MYL12B: variants seen among roughly 807,000 people sequenced by gnomAD.
The protein encoded by MYL12B is myosin light chain 12B, also known as myosin regulatory light chain 12B.
A neutral mutation model predicts 12.9 loss-of-function variants in MYL12B; 3 were observed. The observed-to-expected ratio is 0.23, with a 90% CI of 0.11 to 0.60. The LOEUF (loss-of-function observed/expected upper bound fraction) is 0.60. MYL12B is among the 20% of genes least tolerant of loss of function. The pLI is 0.89. For synonymous variants in MYL12B, 57 were observed against 71.9 expected (o/e 0.79, Z 1.05); for missense variants, 120 against 215.4 (o/e 0.56, Z 2.77).
intron 1 of MYL12B, among the ~76,000 whole-genome samples, chr18:3,269,355 A>T (rs905325627): frequency 6.6e-5 from 10 of 152,150 alleles, no homozygotes; most frequent in Admixed American, 5.9e-4. Flanking sequence ...ACAAGAGATA[A>T]TGAGGATCCA....
Position 3,273,143 on chromosome 18 carries a change from C to CT in MYL12B, c.184+69dup, listed in dbSNP as rs1015834501. Reference sequence around the variant, plus strand: ...AATAATAATTTGTCTCTTTATGAATCTTTTTTTTGTGCGATGTACAAATAT... The same window carrying CT: ...AATAATAATTTGTCTCTTTATGAATCTTTTTTTTTGTGCGATGTACAAATAT... On this transcript the variant is annotated intron_variant, in intron 2 of 3. Transcript: ENST00000237500. 555 of 1,462,964 alleles carry CT rather than the reference C, an allele frequency of 3.8e-4. 1 individual carries two copies. The African/African-American group carries it at 6.3e-3, about 17-fold the overall frequency. 90.6% of individuals were successfully genotyped at this position (1,462,964 alleles called of 1,614,324 possible). A position where few individuals can be genotyped will look rare whatever the true frequency, so the allele number is the denominator to read the frequency against.
At chr18:3,273,521 A>G (rs2081700453) in intron 2 of MYL12B, among the ~76,000 whole-genome samples, 1 of 125,496 alleles carries the variant, frequency 8.0e-6, no homozygotes, top group African/African-American at 3.1e-5. Context: ...GACTTTCACA[A>G]TATTTTGTAT....
chr18:3,264,078 C>T (rs1026568989), intron 1 of MYL12B, among the ~76,000 whole-genome samples: 5 of 152,216 alleles, frequency 3.3e-5, no homozygotes, highest in African/African-American at 7.2e-5. Context: ...CTGGTTGCTA[C>T]TGCTTCTTCC....
rs1417637235 is a variant in MYL12B at position 3,276,523 on chromosome 18, C to T, written c.185-730C>T. On this transcript the variant is annotated intron_variant, in intron 2 of 3. Transcript: ENST00000237500. ...ACCAAAGAAGACCACAGTTCAATGA[C>T]ATGTGTAAACAGTGTTTGAAGATAT... 5 of 984,958 alleles carry T rather than the reference C, an allele frequency of 5.1e-6. No individual in the cohort carries two copies. The Admixed American group carries it at 3.1e-4, about 61-fold the overall frequency. The allele number at this position is 984,958 out of a possible 1,614,324, so 61.0% of individuals were successfully genotyped here.
In MYL12B at chr18:3,272,179, A is replaced by G. The variant is rs529187253; in HGVS notation, c.-15-705A>G. The stretch of plus-strand genomic sequence containing the variant: ...AAAGATGAGACCTTTTTTGAACATG[A>G]CTAGTCTTTTTACATATGTTATCTC... On this transcript the variant is annotated intron_variant, in intron 1 of 3. Transcript: ENST00000237500. 3 of 982,600 alleles carry G rather than the reference A, an allele frequency of 3.1e-6. No individual in the cohort carries two copies. In the South Asian group the frequency reaches 1.4e-4, roughly 46 times the overall value. 60.9% of individuals were successfully genotyped at this position (982,600 alleles called of 1,614,324 possible). A position where few individuals can be genotyped will look rare whatever the true frequency, so the allele number is the denominator to read the frequency against.
intron 1 of MYL12B, among the ~76,000 whole-genome samples, chr18:3,271,347 C>G (rs1456141525): frequency 6.6e-6 from 1 of 152,132 alleles, no homozygotes; most frequent in Non-Finnish European, 1.5e-5. Flanking sequence ...GACTGTAAGG[C>G]TGGTGTACTT....
At chr18:3,276,937 AAAATTAAG>A in intron 2 of MYL12B, 3 of 983,432 alleles carry the variant, frequency 3.1e-6, no homozygotes, top group Non-Finnish European at 3.6e-6. Flanking sequence ...AAAAAAAAAA[AAAATTAAG>A]ATGTAATAAT....
At chr18:3,277,049 G>T (rs1030216827) in intron 2 of MYL12B, 7 of 959,114 alleles carry the variant, frequency 7.3e-6, no homozygotes, top group African/African-American at 1.8e-5. Flanking sequence ...TTCAATATAA[G>T]CCTGGAATAC....
rs545366219 is a variant in MYL12B at position 3,266,029 on chromosome 18, A to G, written c.-16+3792A>G. 2.0e-4 allele frequency among the ~76,000 whole-genome samples: 30 copies of G among 152,342 alleles called. 2 individuals are homozygous for G. In the South Asian group the frequency reaches 6.0e-3, roughly 31 times the overall value. On this transcript the variant is annotated intron_variant, in intron 1 of 3. Coordinates refer to ENST00000237500, the MANE Select transcript of MYL12B (RefSeq NM_033546.4). ...AGGCATTGCCCTATTTTAACATTAAAGAGGTCAAGGAGACAGTGGCTTTAT... is the reference window on the plus strand; with the variant it reads ...AGGCATTGCCCTATTTTAACATTAAGGAGGTCAAGGAGACAGTGGCTTTAT...
intron 1 of MYL12B, among the ~76,000 whole-genome samples, chr18:3,269,603 T>A (rs2081661379): frequency 6.6e-6 from 1 of 152,122 alleles, no homozygotes; most frequent in South Asian, 2.1e-4. Context: ...TCACAGGCAT[T>A]TGGATGTTTG....
intron 1 of MYL12B, among the ~76,000 whole-genome samples, chr18:3,263,307 T>C (rs1319388011): frequency 6.6e-6 from 1 of 152,238 alleles, no homozygotes; most frequent in African/African-American, 2.4e-5. Flanking sequence ...AATGGTCTTT[T>C]GGTAAGAGAA....
chr18:3,275,634 G>A (rs1045318197), intron 2 of MYL12B, among the ~76,000 whole-genome samples: 1 of 152,096 alleles, frequency 6.6e-6, no homozygotes, highest in Admixed American at 6.5e-5. Flanking sequence ...TAAAAGATAC[G>A]TATTTACCTT....
At chr18:3,276,671 G>T (rs1323145201) in intron 2 of MYL12B, 1 of 606,134 alleles carries the variant, frequency 1.6e-6, no homozygotes, top group African/African-American at 2.0e-5. Flanking sequence ...ACAACTGGAA[G>T]TGTGAATATT....
intron 1 of MYL12B, among the ~76,000 whole-genome samples, chr18:3,264,120 C>A (rs1428574224): frequency 6.6e-6 from 1 of 152,160 alleles, no homozygotes; most frequent in Non-Finnish European, 1.5e-5. Flanking sequence ...TACTAAGTTT[C>A]CTTAGGGATC....
At chr18:3,270,028 G>GTA (rs2081664857) in intron 1 of MYL12B, among the ~76,000 whole-genome samples, 1 of 152,196 alleles carries the variant, frequency 6.6e-6, no homozygotes, top group Non-Finnish European at 1.5e-5. Flanking sequence ...GTGTGATGCA[G>GTA]TAGACTGATC....
chr18:3,277,743 T>G, intron 3 of MYL12B, 22 bp from the exon 4 acceptor site: 1 of 1,596,548 alleles, frequency 6.3e-7, no homozygotes, highest in East Asian at 2.2e-5. Context: ...ATGACTGCTT[T>G]CTTCTTTCTA....
In MYL12B at chr18:3,277,239, G is replaced by T. The variant is rs10853294; in HGVS notation, c.185-14G>T. On this transcript the variant is annotated splice_polypyrimidine_tract_variant and intron_variant, in intron 2 of 3. Coordinates refer to ENST00000237500, the MANE Select transcript of MYL12B (RefSeq NM_033546.4). ...TGTTTTTGTCTTTAAATGTTAAAAT[G>T]TGTATTCTTACAGGGAAGAATCCCA... The T allele has an allele frequency of 0.97, 1,498,887 of 1,547,952 alleles. 726,362 individuals are homozygous for T. The highest frequency in any genetic ancestry group is 0.98 in the Non-Finnish European group (1,121,721 of 1,144,236).
At chr18:3,275,754 C>T (rs1598810277) in intron 2 of MYL12B, among the ~76,000 whole-genome samples, 1 of 151,814 alleles carries the variant, frequency 6.6e-6, no homozygotes, top group South Asian at 2.1e-4. Context: ...TCTCTTCACA[C>T]CTTTTGGTTA....
At chr18:3,264,847 G>T (rs578021699) in intron 1 of MYL12B, among the ~76,000 whole-genome samples, 2 of 152,292 alleles carry the variant, frequency 1.3e-5, no homozygotes, top group South Asian at 2.1e-4. Flanking sequence ...AACTTGGAGA[G>T]AATTTTCTGG....
Sources: gnomAD v4.1 joint callset for allele counts (sites outside exome capture counted in the v4.1 genomes callset) on GRCh38, gnomAD v4.1.1 for gene constraint, MANE v1.5 for transcripts, NCBI Gene and HGNC (gene_info 2026-07-23, HGNC 2026-07-21) for gene names.